The following GAPVD1 variants were observed in gnomAD, a reference collection of about 807,000 sequenced individuals.
GAPVD1 encodes GTPase-activating protein and VPS9 domain-containing protein 1.
A neutral mutation model predicts 155.5 loss-of-function variants in GAPVD1; 35 were observed. The ratio of observed to expected loss-of-function variants is 0.23; its 90% CI spans 0.17 to 0.30. GAPVD1 has a LOEUF of 0.30. Ranked by LOEUF, GAPVD1 falls within the 10% of genes least tolerant of loss-of-function variation. The pLI is 1.00. For synonymous variants in GAPVD1, 636 were observed against 619.7 expected (o/e 1.03, Z -0.39); for missense variants, 1,429 against 1,775.7 (o/e 0.80, Z 3.51).
intron 27 of GAPVD1, among the ~76,000 whole-genome samples, chr9:125,362,013 C>T (rs1040152601): frequency 6.6e-6 from 1 of 152,216 alleles, no homozygotes; most frequent in Admixed American, 6.5e-5. Context: ...TTGGCCATCG[C>T]TCTTCTGGCT....
chr9:125,296,227 G>C (rs1374232583), intron 3 of GAPVD1, among the ~76,000 whole-genome samples: 1 of 149,062 alleles, frequency 6.7e-6, no homozygotes, highest in Non-Finnish European at 1.5e-5. Context: ...TGCCCAGGCT[G>C]GAGTGCAGTG....
At chr9:125,293,358 T>C (rs1464182890) in intron 2 of GAPVD1, among the ~76,000 whole-genome samples, 1 of 152,000 alleles carries the variant, frequency 6.6e-6, no homozygotes, top group Non-Finnish European at 1.5e-5. Context: ...CTAAGCTTTA[T>C]GAGGACAGAG....
At chr9:125,279,040 C>T (rs1282329594) in intron 2 of GAPVD1, among the ~76,000 whole-genome samples, 4 of 150,282 alleles carry the variant, frequency 2.7e-5, no homozygotes, top group East Asian at 2.0e-4. Context: ...GGTGAAACCC[C>T]GTATCTACTG....
At chr9:125,345,388 C>T (rs1848383284) in intron 19 of GAPVD1, among the ~76,000 whole-genome samples, 1 of 152,132 alleles carries the variant, frequency 6.6e-6, no homozygotes, top group Non-Finnish European at 1.5e-5. Context: ...GCCATGTTGG[C>T]CAGGCTGGTC....
At chr9:125,339,105 C>A (rs2132041816) in intron 17 of GAPVD1, among the ~76,000 whole-genome samples, 1 of 152,232 alleles carries the variant, frequency 6.6e-6, no homozygotes, top group African/African-American at 2.4e-5. Context: ...CTTTGGCCTC[C>A]CAAGTAGTTG....
intron 2 of GAPVD1, among the ~76,000 whole-genome samples, chr9:125,277,498 G>T (rs561887754): frequency 6.6e-6 from 1 of 152,242 alleles, no homozygotes; most frequent in Admixed American, 6.6e-5. Context: ...AATTGTCACT[G>T]GAAAGTCATG....
At chr9:125,317,341 T>C (rs1350457441) in intron 9 of GAPVD1, among the ~76,000 whole-genome samples, 2 of 149,544 alleles carry the variant, frequency 1.3e-5, no homozygotes, top group East Asian at 3.9e-4. Context: ...GAAAACGTCC[T>C]TGATGGCCGG....
intron 2 of GAPVD1, among the ~76,000 whole-genome samples, chr9:125,293,144 A>G (rs1838870499): frequency 6.6e-6 from 1 of 152,142 alleles, no homozygotes; most frequent in Non-Finnish European, 1.5e-5. Context: ...GACCTTGCTG[A>G]GGAGAGGATG....
At position 125,316,062 on chromosome 9, in the gene GAPVD1, C is replaced by T. The variant is rs115223646; in HGVS notation, c.1602+3450C>T. On this transcript the variant is annotated intron_variant, in intron 9 of 27. Coordinates refer to ENST00000297933, the MANE Select transcript of GAPVD1 (RefSeq NM_001282680.3). Reference sequence around the variant, plus strand: ...CACCACTAAGCTAACAGAACAGAAACTTCAGAGGCCACACATGACAGAAAA... The same window carrying T: ...CACCACTAAGCTAACAGAACAGAAATTTCAGAGGCCACACATGACAGAAAA... Among the ~76,000 whole-genome samples the T allele has an allele frequency of 9.4e-3, 1,425 of 152,220 alleles. 26 individuals are homozygous for T. The highest frequency in any genetic ancestry group is 0.033 in the African/African-American group (1,350 of 41,524).
intron 23 of GAPVD1, among the ~76,000 whole-genome samples, chr9:125,352,936 G>A (rs1224897994): frequency 6.6e-6 from 1 of 152,104 alleles, no homozygotes; most frequent in African/African-American, 2.4e-5. Flanking sequence ...GTGAAACTCT[G>A]TCTCTCCTAA....
At position 125,354,816 on chromosome 9, in the gene GAPVD1, A is replaced by G; in HGVS notation, c.3732A>G (p.Glu1244=). 1 of 1,613,554 alleles carries G rather than the reference A, an allele frequency of 6.2e-7. No homozygotes were observed. Among genetic ancestry groups the G allele is most frequent in the Non-Finnish European group, 8.5e-7 (1 of 1,179,436 alleles). The change falls in exon 24 of 28, where the codon GAA becomes GAG. Residue 1244 remains glutamate, a synonymous_variant. Coordinates refer to ENST00000297933, the MANE Select transcript of GAPVD1 (RefSeq NM_001282680.3). ...TGAGATTACTGCTTGAGAGCAAAGA[A>G]AAGAAGATCAGGGAATTCATTCAAG... is the stretch of plus-strand genomic sequence containing the variant. The part of the protein sequence containing the change: ...VCVRLLLESK[E]KKIREFIQDF...
At position 125,350,692 on chromosome 9, in the gene GAPVD1, A is replaced by G. The variant is rs201020711; in HGVS notation, c.3410-21A>G. 9.7e-5 allele frequency: 137 copies of G among 1,405,864 alleles called. 1 individual carries two copies. In the African/African-American group the frequency reaches 1.9e-3, roughly 19 times the overall value. The allele number at this position is 1,405,864 out of a possible 1,614,324, so 87.1% of individuals were successfully genotyped here. ...CATGGAAATTCTCAAGAATAACAGA[A>G]TTCTTGTATCTTTTATTTAGACAAT... is the stretch of plus-strand genomic sequence containing the variant. On this transcript the variant is annotated intron_variant, in intron 22 of 27. Coordinates refer to ENST00000297933, the MANE Select transcript of GAPVD1 (RefSeq NM_001282680.3).
intron 25 of GAPVD1, 145 bp downstream of exon 25, chr9:125,356,002 C>T (rs1457089294): frequency 1.6e-6 from 1 of 623,482 alleles, no homozygotes; most frequent in Middle Eastern, 4.2e-4. Flanking sequence ...GTCAGAGTTA[C>T]ATGATCACAA....
intron 4 of GAPVD1, among the ~76,000 whole-genome samples, chr9:125,300,203 T>C (rs531257576): frequency 7.8e-4 from 114 of 145,288 alleles, no homozygotes; most frequent in Non-Finnish European, 1.3e-3. Flanking sequence ...TTTTTTTGAG[T>C]TGGAGTCTCG....
In GAPVD1 at chr9:125,263,761, G is replaced by A. The variant is rs1440625838; in HGVS notation, c.-199+1802G>A. The A allele has an allele frequency of 2.8e-5, 26 of 922,884 alleles. 1 individual carries two copies. In the South Asian group the frequency reaches 3.0e-4, roughly 10 times the overall value. The allele number at this position is 922,884 out of a possible 1,614,324, so 57.2% of individuals were successfully genotyped here. A position where few individuals can be genotyped will look rare whatever the true frequency, so the allele number is the denominator to read the frequency against. On this transcript the variant is annotated intron_variant, in intron 1 of 27. Coordinates refer to ENST00000297933, the MANE Select transcript of GAPVD1 (RefSeq NM_001282680.3). ...GTCAGCTTCCCCTCTTGTGAGTCTCGCAGGTCACTCACCCTCCAGACCTTT... is the reference window on the plus strand; with the variant it reads ...GTCAGCTTCCCCTCTTGTGAGTCTCACAGGTCACTCACCCTCCAGACCTTT...
At chr9:125,314,463 C>T (rs1183330535) in intron 9 of GAPVD1, among the ~76,000 whole-genome samples, 1 of 152,076 alleles carries the variant, frequency 6.6e-6, no homozygotes, top group Admixed American at 6.6e-5. Flanking sequence ...CGAGACCAGC[C>T]TGACCAACAT....
chr9:125,301,445 T>A (rs763806082), intron 4 of GAPVD1, among the ~76,000 whole-genome samples: 9 of 152,000 alleles, frequency 5.9e-5, no homozygotes, highest in Non-Finnish European at 1.0e-4. Context: ...TAATTTTCTT[T>A]CTTTCTTTCT....
At chr9:125,278,009 A>G (rs1330874986) in intron 2 of GAPVD1, among the ~76,000 whole-genome samples, 1 of 152,086 alleles carries the variant, frequency 6.6e-6, no homozygotes, top group Non-Finnish European at 1.5e-5. Flanking sequence ...TTATTTTAGT[A>G]TATTATTAAT....
intron 1 of GAPVD1, chr9:125,264,151 C>A: frequency 1.5e-6 from 1 of 685,454 alleles, no homozygotes; most frequent in Non-Finnish European, 2.6e-6. Context: ...AAGAGAATTT[C>A]ATAATCAGGG....
Sources: gnomAD v4.1 joint callset for allele counts (sites outside exome capture counted in the v4.1 genomes callset) on GRCh38, gnomAD v4.1.1 for gene constraint, MANE v1.5 for transcripts, NCBI Gene and HGNC (gene_info 2026-07-23, HGNC 2026-07-21) for gene names.